The following SORCS3 variants were observed in gnomAD, a reference collection of about 807,000 sequenced individuals.
The protein encoded by SORCS3 is sortilin related VPS10 domain containing receptor 3, also known as VPS10 domain-containing receptor SorCS3.
A neutral mutation model predicts 146.3 loss-of-function variants in SORCS3; 57 were observed. The ratio of observed to expected loss-of-function variants is 0.39; its 90% CI spans 0.31 to 0.49. The LOEUF is 0.49. SORCS3 is among the 20% of genes least tolerant of loss of function. The pLI, the probability that SORCS3 is intolerant of heterozygous loss-of-function variation, is 0.92. For synonymous variants in SORCS3, 653 were observed against 618.5 expected (o/e 1.06, Z -0.83); for missense variants, 1,341 against 1,575.5 (o/e 0.85, Z 2.52).
At chr10:104,686,598 A>G (rs1194862740) in intron 1 of SORCS3, among the ~76,000 whole-genome samples, 1 of 152,180 alleles carries the variant, frequency 6.6e-6, no homozygotes, top group African/African-American at 2.4e-5. Context: ...ATTTGGATTC[A>G]GAAGGCCACA....
At chr10:105,078,467 G>A (rs528815583) in intron 5 of SORCS3, among the ~76,000 whole-genome samples, 13 of 152,098 alleles carry the variant, frequency 8.5e-5, no homozygotes, top group African/African-American at 2.7e-4. Context: ...CTCACTCTGT[G>A]TCAATAGTTA....
chr10:105,180,871 C>T (rs772352736), intron 14 of SORCS3, among the ~76,000 whole-genome samples: 1 of 152,186 alleles, frequency 6.6e-6, no homozygotes, highest in African/African-American at 2.4e-5. Flanking sequence ...CCTGCCAGAT[C>T]AGGATGGGTT....
At chr10:104,994,566 A>G (rs772435293) in intron 4 of SORCS3, among the ~76,000 whole-genome samples, 162 of 152,328 alleles carry the variant, frequency 1.1e-3, no homozygotes, top group Non-Finnish European at 1.6e-3. Flanking sequence ...CGTCACCTTC[A>G]AAAGTTTCCT....
intron 4 of SORCS3, among the ~76,000 whole-genome samples, chr10:105,005,363 A>G (rs1293928566): frequency 6.6e-6 from 1 of 152,218 alleles, no homozygotes; most frequent in East Asian, 1.9e-4. Flanking sequence ...TTCATTACAG[A>G]CATATATGCA....
At chr10:105,206,101 C>G (rs1213899384) in intron 16 of SORCS3, among the ~76,000 whole-genome samples, 6 of 152,004 alleles carry the variant, frequency 3.9e-5, no homozygotes, top group Admixed American at 3.3e-4. Context: ...GAGTACTCTG[C>G]CTATGGAGCA....
At chr10:105,238,341 G>A (rs1459561891) in intron 20 of SORCS3, among the ~76,000 whole-genome samples, 1 of 152,170 alleles carries the variant, frequency 6.6e-6, no homozygotes, top group Non-Finnish European at 1.5e-5. Flanking sequence ...ATAGATAAAA[G>A]CAGGTATGCA....
At chr10:105,012,880 A>C (rs950103802) in intron 4 of SORCS3, among the ~76,000 whole-genome samples, 1 of 152,082 alleles carries the variant, frequency 6.6e-6, no homozygotes, top group African/African-American at 2.4e-5. Context: ...GCCAAGTTTT[A>C]CCTTTATTCA....
intron 18 of SORCS3, among the ~76,000 whole-genome samples, chr10:105,215,709 T>G (rs949235590): frequency 1.3e-5 from 2 of 152,130 alleles, no homozygotes; most frequent in Non-Finnish European, 2.9e-5. Context: ...AACTCAAGGA[T>G]AGTTGACATT....
intron 1 of SORCS3, among the ~76,000 whole-genome samples, chr10:104,682,509 T>C (rs1413883122): frequency 1.3e-5 from 2 of 152,226 alleles, no homozygotes; most frequent in Non-Finnish European, 2.9e-5. Context: ...GCAGGTTAGC[T>C]TTTATTTTTA....
rs75334184 is a variant in SORCS3, at chr10:104,783,556, C to T, written c.628-59236C>T. ...CAGCCTGGCCAACATGATGAAGCCC[C>T]GTCTCTGCAAAAATTCAAAAATTAG... is the stretch of plus-strand genomic sequence containing the variant. On this transcript the variant is annotated intron_variant, in intron 1 of 26. Coordinates refer to ENST00000369701, the MANE Select transcript of SORCS3 (RefSeq NM_014978.3). 2.2e-3 allele frequency among the ~76,000 whole-genome samples: 337 copies of T among 152,190 alleles called. 7 individuals are homozygous for T. The East Asian group carries it at 0.045, about 20-fold the overall frequency.
rs182134566 is a variant in SORCS3 at position 104,707,288 on chromosome 10, G to A, written c.627+65334G>A. On this transcript the variant is annotated intron_variant, in intron 1 of 26. Coordinates refer to ENST00000369701, the MANE Select transcript of SORCS3 (RefSeq NM_014978.3). Reference sequence around the variant, plus strand: ...AGAATAATAGGACTTCCTTCACAGAGCTGGTATGATAATTAGATTTTATAT... The same window carrying A: ...AGAATAATAGGACTTCCTTCACAGAACTGGTATGATAATTAGATTTTATAT... Among the ~76,000 whole-genome samples, 67 of 152,286 alleles carry A rather than the reference G, an allele frequency of 4.4e-4. 2 individuals are homozygous for A. Among genetic ancestry groups the A allele is most frequent in the Admixed American group, 2.5e-3 (39 of 15,302 alleles).
chr10:104,940,204 TTATATA>T lies in SORCS3; in HGVS notation c.795+24302_795+24307del, dbSNP rs71022748. Among the ~76,000 whole-genome samples the T allele has an allele frequency of 1.2e-3, 61 of 52,950 alleles. 1 individual carries two copies. Among genetic ancestry groups the T allele is most frequent in the East Asian group, 2.9e-3 (3 of 1,030 alleles). The allele number at this position is 52,950 out of a possible 152,430, so 34.7% of individuals were successfully genotyped here. The stretch of plus-strand genomic sequence containing the variant: ...ACCGAGAGTTCCTCTTCCTTTTCTT[TTATATA>T]TATATATATATATATATATATATAT... On this transcript the variant is annotated intron_variant, in intron 3 of 26. Transcript: ENST00000369701.
At chr10:104,973,366 T>C (rs1589573438) in intron 3 of SORCS3, among the ~76,000 whole-genome samples, 2 of 151,986 alleles carry the variant, frequency 1.3e-5, no homozygotes, top group South Asian at 2.1e-4. Context: ...ATTGCCACAA[T>C]TTCAGCTCCT....
chr10:105,190,935 AT>A (rs2056513337), intron 14 of SORCS3, among the ~76,000 whole-genome samples: 1 of 152,212 alleles, frequency 6.6e-6, no homozygotes, highest in African/African-American at 2.4e-5. Context: ...ACAACTCAAA[AT>A]CGTGTTAGAT....
intron 1 of SORCS3, among the ~76,000 whole-genome samples, chr10:104,693,220 T>G (rs1277957025): frequency 1.3e-5 from 2 of 152,174 alleles, no homozygotes; most frequent in African/African-American, 4.8e-5. Flanking sequence ...CCTTCACTTG[T>G]GCAGCCAGGA....
At position 104,956,772 on chromosome 10, in the gene SORCS3, C is replaced by A. The variant is rs143585222; in HGVS notation, c.796-20563C>A. On this transcript the variant is annotated intron_variant, in intron 3 of 26. Coordinates refer to ENST00000369701, the MANE Select transcript of SORCS3 (RefSeq NM_014978.3). ...AAATGAATGTGAGGGAATGATTGACCACGTAACTGAATGACCAAATGAAAA... is the reference window on the plus strand; with the variant it reads ...AAATGAATGTGAGGGAATGATTGACAACGTAACTGAATGACCAAATGAAAA... 2.2e-3 allele frequency among the ~76,000 whole-genome samples: 333 copies of A among 152,152 alleles called. 2 individuals carry two copies. The highest frequency in any genetic ancestry group is 7.8e-3 in the African/African-American group (325 of 41,490).
At position 104,643,709 on chromosome 10, in the gene SORCS3, GGTGT is replaced by G. The variant is rs3069967; in HGVS notation, c.627+1788_627+1791del. On this transcript the variant is annotated intron_variant, in intron 1 of 26. Transcript: ENST00000369701. ...AACTTCATTTTAGTTTGATAATTAG[GGTGT>G]GTGTGTGTGTGTGTGTGTGTGTGTG... is the stretch of plus-strand genomic sequence containing the variant. Among the ~76,000 whole-genome samples, 1,091 of 144,722 alleles carry G rather than the reference GGTGT, an allele frequency of 7.5e-3. 16 individuals are homozygous for G. Among genetic ancestry groups the G allele is most frequent in the African/African-American group, 0.026 (1,013 of 38,244 alleles). The allele number at this position is 144,722 out of a possible 152,430, so 94.9% of individuals were successfully genotyped here.
At chr10:105,080,815 T>A (rs12778736) in intron 5 of SORCS3, among the ~76,000 whole-genome samples, 19,249 of 152,166 alleles carry the variant, frequency 0.13, 1,626 homozygotes, top group Middle Eastern at 0.18. Context: ...AAAACAGACA[T>A]AGACCAATGA....
intron 3 of SORCS3, among the ~76,000 whole-genome samples, chr10:104,938,075 A>G (rs7904304): frequency 0.28 from 41,997 of 152,024 alleles, 7,471 homozygotes; most frequent in African/African-American, 0.51. Context: ...AGGACTCCCT[A>G]TGCATCACGA....
Sources: gnomAD v4.1 joint callset for allele counts (sites outside exome capture counted in the v4.1 genomes callset) on GRCh38, gnomAD v4.1.1 for gene constraint, MANE v1.5 for transcripts, NCBI Gene and HGNC (gene_info 2026-07-23, HGNC 2026-07-21) for gene names.